The following CCDC82 variants were observed in gnomAD, a reference collection of about 807,000 sequenced individuals.
CCDC82 encodes the protein coiled-coil domain containing 82, also known as coiled-coil domain-containing protein 82.
In CCDC82, 47 loss-of-function variants were observed where a neutral mutation model predicts 60.6. The ratio of observed to expected loss-of-function variants is 0.77; its 90% CI spans 0.61 to 0.99. CCDC82 has a LOEUF of 0.99. Ranked by LOEUF, CCDC82 falls within the 50% of genes least tolerant of loss-of-function variation. The probability of loss-of-function intolerance (pLI) is 0.00; values close to 1 mark genes in which losing one functional copy is unlikely to be tolerated. For missense variants in CCDC82, 588 were observed against 633.0 expected, an observed-to-expected ratio of 0.93 and a Z score of 0.76; for synonymous variants, 212 against 207.4, an observed-to-expected ratio of 1.02 and a Z score of -0.19.
chr11:96,364,313 T>C (rs1341777309), intron 8 of CCDC82: 1 of 152,118 alleles, frequency 6.6e-6, no homozygotes, highest in African/African-American at 2.4e-5. Flanking sequence ...ATTATCCCCA[T>C]AAAAACCTTC....
chr11:96,373,655 T>A (rs530877940), intron 5 of CCDC82, among the ~76,000 whole-genome samples, 188 bp from the exon 6 acceptor site: 1 of 152,318 alleles, frequency 6.6e-6, no homozygotes, highest in Non-Finnish European at 1.5e-5. Context: ...CCAAACTTAC[T>A]GGCTTCCAAT....
rs1338464459 is a variant in CCDC82, at chr11:96,365,160, A to G, written c.1210-10T>C. On this transcript the variant is annotated splice_polypyrimidine_tract_variant and intron_variant, in intron 7 of 9. Coordinates refer to ENST00000646818, the MANE Select transcript of CCDC82 (RefSeq NM_024725.4). ...AATTTTCTACTCGCTCCTGAAAACA[A>G]AAAATATAAAAAAAAGTTTAAAAGA... 19 of 1,484,186 alleles carry G rather than the reference A, an allele frequency of 1.3e-5. No homozygotes were observed. The highest frequency in any genetic ancestry group is 1.7e-5 in the Non-Finnish European group (19 of 1,101,312). 91.9% of individuals were successfully genotyped at this position (1,484,186 alleles called of 1,614,324 possible).
intron 9 of CCDC82, chr11:96,357,810 T>C: frequency 1.0e-6 from 1 of 985,300 alleles, no homozygotes; most frequent in Non-Finnish European, 1.2e-6. Flanking sequence ...ATAAGTGCTC[T>C]CTCCTAAAGC....
chr11:96,355,740 T>C (rs1221994103), intron 9 of CCDC82: 2 of 152,304 alleles, frequency 1.3e-5, no homozygotes, highest in South Asian at 2.1e-4. Context: ...CTCACAGACA[T>C]TGCAGTTAGT....
Position 96,365,096 on chromosome 11 carries a change from A to AGT in CCDC82, c.1262_1263dup (p.Cys422ThrfsTer31). ...TGCAGTCCACAAGCCTGGCAGGAACAGTTTTCAGGATTCTTCAAATGAATA... is the reference window on the plus strand; with the variant it reads ...TGCAGTCCACAAGCCTGGCAGGAACAGTGTTTTCAGGATTCTTCAAATGAATA... On this transcript the variant is annotated frameshift_variant, in exon 8 of 10. Transcript: ENST00000646818. LOFTEE classifies it high-confidence loss of function. 6.2e-7 allele frequency: 1 copy of AGT among 1,605,700 alleles called. No homozygotes were observed. The highest frequency in any genetic ancestry group is 1.7e-5 in the Admixed American group (1 of 59,576).
In CCDC82 at chr11:96,384,440, G is replaced by C. The variant is rs1282539218; in HGVS notation, c.308C>G (p.Ser103Cys). ...EGNDSKCLINSGNGSTYEEET... is the reference protein window; with the variant it reads ...EGNDSKCLINCGNGSTYEEET... ...TTCTTCATATGTTGAACCGTTGCCA[G>C]AGTTAATGAGACACTTACTGTCATT... is the stretch of plus-strand genomic sequence containing the variant. The change falls in exon 4 of 10, where the codon TCT (serine) becomes TGT (cysteine). Residue 103 changes from serine (S) to cysteine (C), a missense_variant. Ser to Cys is a moderately radical substitution (Grantham distance 112, BLOSUM62 -1). Coordinates refer to ENST00000646818, the MANE Select transcript of CCDC82 (RefSeq NM_024725.4). The C allele has an allele frequency of 1.2e-6, 2 of 1,613,662 alleles. No homozygotes were observed. Among genetic ancestry groups the C allele is most frequent in the Admixed American group, 1.7e-5 (1 of 59,962 alleles).
At chr11:96,369,668 G>T (rs1865155140) in intron 7 of CCDC82, among the ~76,000 whole-genome samples, 1 of 152,100 alleles carries the variant, frequency 6.6e-6, no homozygotes, top group Admixed American at 6.5e-5. Context: ...CACCATAAAA[G>T]ATGTAATAAT....
chr11:96,375,041 G>A (rs1440260182), intron 5 of CCDC82, among the ~76,000 whole-genome samples: 1 of 151,728 alleles, frequency 6.6e-6, no homozygotes, highest in Non-Finnish European at 1.5e-5. Context: ...TCAAACTCTG[G>A]ACATAATATA....
At chr11:96,389,324 A>C (rs1004228375) in intron 1 of CCDC82, 1 of 152,242 alleles carries the variant, frequency 6.6e-6, no homozygotes, top group Non-Finnish European at 1.5e-5. Context: ...AGATCCTCTC[A>C]GGAATTAACA....
chr11:96,377,900 TATA>T (rs764168127), intron 5 of CCDC82, among the ~76,000 whole-genome samples: 4 of 152,116 alleles, frequency 2.6e-5, no homozygotes, highest in Admixed American at 6.5e-5. Flanking sequence ...TACTTTCTTC[TATA>T]ATAACCTTGA....
At chr11:96,372,137 C>T (rs1366315227) in intron 6 of CCDC82, among the ~76,000 whole-genome samples, 1 of 152,108 alleles carries the variant, frequency 6.6e-6, no homozygotes, top group Non-Finnish European at 1.5e-5. Flanking sequence ...CTTGAACACA[C>T]CAAACTTACT....
chr11:96,367,820 C>CTTTTTTT (rs777554159), intron 7 of CCDC82, among the ~76,000 whole-genome samples: 3 of 122,732 alleles, frequency 2.4e-5, no homozygotes, highest in Non-Finnish European at 3.3e-5. Flanking sequence ...AAATGTATTT[C>CTTTTTTT]TTTTTTTTTT....
In CCDC82 at chr11:96,353,399, A is replaced by G; in HGVS notation, c.*247T>C. The G allele has an allele frequency of 2.6e-6, 1 of 377,490 alleles. No individual in the cohort carries two copies. The allele number at this position is 377,490 out of a possible 1,614,324, so 23.4% of individuals were successfully genotyped here. The stretch of plus-strand genomic sequence containing the variant: ...GACAGTCATCTGTTATAAAGCCATT[A>G]TTATATAACTTTAAAATATATTTAC... On this transcript the variant is annotated 3_prime_UTR_variant, in exon 10 of 10. Coordinates refer to ENST00000646818, the MANE Select transcript of CCDC82 (RefSeq NM_024725.4).
chr11:96,383,555 G>A (rs1382508490), intron 4 of CCDC82, 82 bp from the exon 5 acceptor site: 15 of 868,220 alleles, frequency 1.7e-5, no homozygotes. Flanking sequence ...CATTAAATCT[G>A]ACAGCAAAAA....
intron 8 of CCDC82, among the ~76,000 whole-genome samples, chr11:96,361,489 C>A (rs933416299): frequency 7.2e-5 from 11 of 152,056 alleles, no homozygotes; most frequent in African/African-American, 2.7e-4. Context: ...TTAAAATGTT[C>A]TTGTATTTTT....
chr11:96,364,690 A>G (rs1864853166), intron 8 of CCDC82: 1 of 209,030 alleles, frequency 4.8e-6, no homozygotes, highest in Non-Finnish European at 9.5e-6. Flanking sequence ...AAAAACACTT[A>G]CTCTTCAGTT....
intron 8 of CCDC82, among the ~76,000 whole-genome samples, chr11:96,362,561 T>C (rs949328010): frequency 6.6e-6 from 1 of 152,330 alleles, no homozygotes; most frequent in Admixed American, 6.5e-5. Context: ...ATATCCAAGA[T>C]TGTTTTTAGT....
At position 96,383,308 on chromosome 11, in the gene CCDC82, T is replaced by C; in HGVS notation, c.952A>G (p.Thr318Ala). The stretch of plus-strand genomic sequence containing the variant: ...TTTACTAATTTCAGTTGTGATGTAG[T>C]CAATTTTTCTCCTTGTTGGTTTTTA... ...ENKNQQGEKL[T>A]TSQLKLVKQN... is the part of the protein sequence containing the mutation. Residue 318 changes from threonine to alanine, a missense_variant, in exon 5 of 10, where the codon ACT (threonine) becomes GCT (alanine). Transcript: ENST00000646818. The C allele has an allele frequency of 6.2e-7, 1 of 1,605,544 alleles. No homozygotes were observed. The highest frequency in any genetic ancestry group is 8.5e-7 in the Non-Finnish European group (1 of 1,173,378).
chr11:96,379,958 T>C (rs72977901), intron 5 of CCDC82, among the ~76,000 whole-genome samples: 35 of 151,768 alleles, frequency 2.3e-4, no homozygotes, highest in Non-Finnish European at 3.5e-4. Flanking sequence ...AAAATTTACA[T>C]GGTAAATAGT....
Sources: allele counts gnomAD v4.1 joint callset (sites outside exome capture counted in the v4.1 genomes callset), GRCh38; gene constraint gnomAD v4.1.1; transcripts MANE v1.5; gene names NCBI Gene and HGNC (gene_info 2026-07-23, HGNC 2026-07-21).